BCAS3: variants seen among roughly 807,000 people sequenced by gnomAD.
The protein encoded by BCAS3 is BCAS3 microtubule associated cell migration factor.
Under a neutral mutation model 116.1 loss-of-function variants are expected in BCAS3, and 53 were observed. The ratio of observed to expected loss-of-function variants is 0.46; its 90% CI spans 0.37 to 0.57. BCAS3 has a LOEUF of 0.57. BCAS3 is among the 20% of genes least tolerant of loss of function. The pLI is 0.00. For synonymous variants in BCAS3, 391 were observed against 408.2 expected (o/e 0.96, Z 0.51); for missense variants, 917 against 1,165.4 (o/e 0.79, Z 3.10).
intron 22 of BCAS3, among the ~76,000 whole-genome samples, chr17:61,273,259 C>T (rs1174462341): frequency 6.6e-6 from 1 of 151,934 alleles, no homozygotes; most frequent in African/African-American, 2.4e-5. Flanking sequence ...CAGGCGCGCA[C>T]CACCACCCCT....
At chr17:61,054,878 C>T (rs1226681570) in intron 19 of BCAS3, among the ~76,000 whole-genome samples, 3 of 152,082 alleles carry the variant, frequency 2.0e-5, no homozygotes, top group Non-Finnish European at 4.4e-5. Flanking sequence ...ATATTTATTG[C>T]ACTGGATTAA....
In BCAS3 at chr17:60,955,762, C is replaced by T. The variant is rs541659984; in HGVS notation, c.1221+8410C>T. ...ATTATTTCTTTGCCTTTTATGCTCT[C>T]GGCACATTTAAATATTACAAGTAAT... On this transcript the variant is annotated intron_variant, in intron 14 of 23. Transcript: ENST00000407086. 3.9e-5 allele frequency among the ~76,000 whole-genome samples: 6 copies of T among 152,194 alleles called. No homozygotes were observed. The South Asian group carries it at 1.0e-3, about 26-fold the overall frequency.
intron 14 of BCAS3, 70 bp downstream of exon 14, chr17:60,947,422 T>C (rs1261613811): frequency 4.8e-6 from 7 of 1,447,006 alleles, no homozygotes; most frequent in Admixed American, 1.8e-5. Context: ...TGGTCATTTA[T>C]ATTACATTGC....
At chr17:61,109,283 TTGTGTGTGTGTGTGTG>T (rs113547904) in intron 22 of BCAS3, among the ~76,000 whole-genome samples, 12 of 145,430 alleles carry the variant, frequency 8.3e-5, no homozygotes, top group African/African-American at 3.0e-4. Flanking sequence ...AGTATTCCAT[TTGTGTGTGTGTGTGTG>T]TGTGTGTGTG....
chr17:61,348,079 T>A lies in BCAS3; in HGVS notation c.2426-20248T>A, dbSNP rs1226391001. ...CACATTAATAGGCGGAAAGACCAGTTTAAAGATTGCTAGAATAATCCCAAT... is the reference window on the plus strand; with the variant it reads ...CACATTAATAGGCGGAAAGACCAGTATAAAGATTGCTAGAATAATCCCAAT... On this transcript the variant is annotated intron_variant, in intron 22 of 23. Coordinates refer to ENST00000407086, the MANE Select transcript of BCAS3 (RefSeq NM_017679.5). The surrounding 1 kb of genome is among the most constrained non-coding windows in gnomAD (Gnocchi z 4.5). Among the ~76,000 whole-genome samples the A allele has an allele frequency of 6.6e-6, 1 of 152,162 alleles. No homozygotes were observed. Among genetic ancestry groups the A allele is most frequent in the Non-Finnish European group, 1.5e-5 (1 of 68,028 alleles).
chr17:60,968,067 G>T (rs1260983565), intron 14 of BCAS3, among the ~76,000 whole-genome samples: 1 of 152,030 alleles, frequency 6.6e-6, no homozygotes, highest in Non-Finnish European at 1.5e-5. Context: ...GTCTGTCACT[G>T]GAGTTTTGCT....
chr17:61,333,955 A>G lies in BCAS3; in HGVS notation c.2426-34372A>G, dbSNP rs1168850893. On this transcript the variant is annotated intron_variant, in intron 22 of 23. Coordinates refer to ENST00000407086, the MANE Select transcript of BCAS3 (RefSeq NM_017679.5). This position sits in a 1 kb window ranked among gnomAD's most constrained non-coding sequence, Gnocchi z 4.8. ...ACCTTTCTGGTCATTTGCTTCCCTG[A>G]TTGAGAGATGAGTCAGCATTCATAT... is the stretch of plus-strand genomic sequence containing the variant. 6.6e-6 allele frequency among the ~76,000 whole-genome samples: 1 copy of G among 152,152 alleles called. No individual in the cohort carries two copies. Among genetic ancestry groups the G allele is most frequent in the African/African-American group, 2.4e-5 (1 of 41,436 alleles).
intron 4 of BCAS3, among the ~76,000 whole-genome samples, chr17:60,691,406 CCTCT>C (rs138400928): frequency 1.3e-5 from 2 of 148,516 alleles, no homozygotes; most frequent in African/African-American, 2.5e-5. Context: ...TTGTTAGTTT[CCTCT>C]CTCTCTCTCT....
At chr17:60,800,550 T>A (rs898031888) in intron 6 of BCAS3, among the ~76,000 whole-genome samples, 1 of 152,210 alleles carries the variant, frequency 6.6e-6, no homozygotes, top group African/African-American at 2.4e-5. Flanking sequence ...TGTGCTTTCA[T>A]TCTTCTATCA....
At chr17:60,777,107 G>A (rs1013614339) in intron 6 of BCAS3, among the ~76,000 whole-genome samples, 2 of 151,580 alleles carry the variant, frequency 1.3e-5, no homozygotes, top group Non-Finnish European at 2.9e-5. Flanking sequence ...TTTCACTGAC[G>A]AAATGGCTAA....
intron 7 of BCAS3, among the ~76,000 whole-genome samples, chr17:60,816,268 C>CT (rs1334831441): frequency 4.9e-4 from 67 of 136,528 alleles, no homozygotes; most frequent in African/African-American, 1.7e-3. Flanking sequence ...ACTTTTCTTT[C>CT]TTTTTCTTTT....
At chr17:60,871,830 T>C (rs993153031) in intron 8 of BCAS3, among the ~76,000 whole-genome samples, 1 of 152,074 alleles carries the variant, frequency 6.6e-6, no homozygotes, top group Non-Finnish European at 1.5e-5. Context: ...ATATTTTCTT[T>C]TTCTTATTAT....
Position 61,019,105 on chromosome 17 carries a change from G to A in BCAS3, c.1637+3204G>A, listed in dbSNP as rs79277883. 0.052 allele frequency among the ~76,000 whole-genome samples: 7,858 copies of A among 152,202 alleles called. 727 individuals carry two copies. The highest frequency in any genetic ancestry group is 0.18 in the African/African-American group (7,417 of 41,500). ...CCCAACCCCTGGGCCACAGACTGGTGCTAGTCCCTGGCCTGTTAGGAACTG... is the reference window on the plus strand; with the variant it reads ...CCCAACCCCTGGGCCACAGACTGGTACTAGTCCCTGGCCTGTTAGGAACTG... On this transcript the variant is annotated intron_variant, in intron 16 of 23. Transcript: ENST00000407086. The surrounding 1 kb of genome is among the most constrained non-coding windows in gnomAD (Gnocchi z 5.6).
In BCAS3 at chr17:61,136,705, G is replaced by A. The variant is rs2076661800; in HGVS notation, c.2425+52141G>A. On this transcript the variant is annotated intron_variant, in intron 22 of 23. Coordinates refer to ENST00000407086, the MANE Select transcript of BCAS3 (RefSeq NM_017679.5). This position sits in a 1 kb window ranked among gnomAD's most constrained non-coding sequence, Gnocchi z 4.4. ...CTCCTGAGTAGCTGGGATTACAGGT[G>A]TGTGCCACCACACGCAGCTAATTTT... 1.3e-5 allele frequency among the ~76,000 whole-genome samples: 2 copies of A among 152,142 alleles called. No homozygotes were observed.
Position 61,306,788 on chromosome 17 carries a change from T to A in BCAS3, c.2426-61539T>A, listed in dbSNP as rs150511125. Among the ~76,000 whole-genome samples the A allele has an allele frequency of 4.3e-3, 662 of 152,294 alleles. 6 individuals are homozygous for A. The highest frequency in any genetic ancestry group is 0.015 in the African/African-American group (608 of 41,554). ...CAGCATGGGTGACAGAGTGAGACTC[T>A]GTCTCAAAAGAAAAAAAAACAAAGC... On this transcript the variant is annotated intron_variant, in intron 22 of 23. Transcript: ENST00000407086.
rs542595916 is a variant in BCAS3 at position 61,144,929 on chromosome 17, A to C, written c.2425+60365A>C. Among the ~76,000 whole-genome samples the C allele has an allele frequency of 1.7e-4, 26 of 152,348 alleles. No individual in the cohort carries two copies. In the South Asian group the frequency reaches 5.4e-3, roughly 32 times the overall value. ...AAATTGCTCTAAACCTGTTTGGCTC[A>C]CCACCATAAGGTTTAAAACATAAAA... On this transcript the variant is annotated intron_variant, in intron 22 of 23. Transcript: ENST00000407086. The surrounding 1 kb of genome is among the most constrained non-coding windows in gnomAD (Gnocchi z 5.0).
At chr17:60,891,428 G>A (rs542613046) in intron 10 of BCAS3, among the ~76,000 whole-genome samples, 1 of 152,298 alleles carries the variant, frequency 6.6e-6, no homozygotes, top group South Asian at 2.1e-4. Context: ...AGACAACGTA[G>A]TGGCCTTCAC....
chr17:61,079,340 A>G (rs1043420823), intron 21 of BCAS3, among the ~76,000 whole-genome samples: 1 of 152,212 alleles, frequency 6.6e-6, no homozygotes, highest in Non-Finnish European at 1.5e-5. Context: ...CATAGTGGAA[A>G]TACGTTTTTG....
intron 22 of BCAS3, among the ~76,000 whole-genome samples, chr17:61,341,981 ATCATGAAC>A (rs1395455417): frequency 6.6e-6 from 1 of 152,208 alleles, no homozygotes. Flanking sequence ...AGTGGGGGCA[ATCATGAAC>A]TTCGGACAGT....
Sources: allele counts gnomAD v4.1 joint callset (sites outside exome capture counted in the v4.1 genomes callset), GRCh38; gene constraint gnomAD v4.1.1; non-coding constraint Gnocchi (gnomAD v3.1); transcripts MANE v1.5; gene names NCBI Gene and HGNC (gene_info 2026-07-23, HGNC 2026-07-21).